KDM7A: variants seen among roughly 807,000 people sequenced by gnomAD.
KDM7A encodes lysine-specific demethylase 7A.
Under a neutral mutation model 114.8 loss-of-function variants are expected in KDM7A, and 28 were observed. The observed-to-expected ratio is 0.24, with a 90% confidence interval of 0.18 to 0.33. The LOEUF is 0.33. Among genes scored for constraint, KDM7A ranks in the 10% least tolerant of loss-of-function variants. KDM7A has a pLI of 1.00. For missense variants in KDM7A, 942 were observed against 1,142.5 expected (o/e 0.82, Z 2.53); for synonymous variants, 423 against 397.8 (o/e 1.06, Z -0.75).
rs1395478071 is a variant in KDM7A at position 140,176,835 on chromosome 7, G to A, written c.103C>T (p.Pro35Ser). The A allele has an allele frequency of 3.0e-6, 4 of 1,335,942 alleles. No individual in the cohort carries two copies. Among genetic ancestry groups the A allele is most frequent in the Non-Finnish European group, 3.9e-6 (4 of 1,023,204 alleles). 82.8% of individuals were successfully genotyped at this position (1,335,942 alleles called of 1,614,324 possible). ...APGRASAPPP[P>S]PPVYCVCRQP... ...CGGCACACACAGTACACGGGCGGGG[G>A]CGGCGGAGGCGCCGAGGCCCGGCCG... is the stretch of plus-strand genomic sequence containing the variant. The change falls in exon 1 of 20, where the codon CCC (proline) becomes TCC (serine). Residue 35 changes from proline to serine, a missense_variant. Physicochemically the swap from Pro to Ser is moderately conservative, Grantham distance 74. Coordinates refer to ENST00000397560, the MANE Select transcript of KDM7A (RefSeq NM_030647.2). This position sits in a 1 kb window ranked among gnomAD's most constrained non-coding sequence, Gnocchi z 4.4.
At position 140,088,690 on chromosome 7, in the gene KDM7A, C is replaced by T; in HGVS notation, c.*2404G>A. The stretch of plus-strand genomic sequence containing the variant: ...GATTCTATTCAAGTGGTTCTATTAC[C>T]TCGCTGAAAGTTTTCTAACTTAGCC... On this transcript the variant is annotated 3_prime_UTR_variant, in exon 20 of 20. Transcript: ENST00000397560. 2.6e-6 allele frequency: 1 copy of T among 391,730 alleles called. No individual in the cohort carries two copies. The allele number at this position is 391,730 out of a possible 1,614,324, so 24.3% of individuals were successfully genotyped here.
intron 1 of KDM7A, among the ~76,000 whole-genome samples, chr7:140,143,391 AATT>A (rs1794307190): frequency 6.6e-6 from 1 of 152,132 alleles, no homozygotes; most frequent in African/African-American, 2.4e-5. Flanking sequence ...GGTTCTAGAC[AATT>A]ATTACATGGG....
chr7:140,099,691 C>A (rs1195124730), intron 13 of KDM7A, among the ~76,000 whole-genome samples: 1 of 152,116 alleles, frequency 6.6e-6, no homozygotes, highest in Non-Finnish European at 1.5e-5. Flanking sequence ...CTACACATGT[C>A]CAAGAGTTAC....
Position 140,085,484 on chromosome 7 carries a change from C to T in KDM7A, c.*5610G>A, listed in dbSNP as rs796829897. 8 of 152,146 alleles carry T rather than the reference C, an allele frequency of 5.3e-5. No homozygotes were observed. The highest frequency in any genetic ancestry group is 1.7e-4 in the African/African-American group (7 of 41,488). 9.4% of individuals were successfully genotyped at this position (152,146 alleles called of 1,614,324 possible). The stretch of plus-strand genomic sequence containing the variant: ...TATTATATAATCTCTTAAAATGAAC[C>T]TTTTCACCCTCTTTCCACAGCATGA... On this transcript the variant is annotated 3_prime_UTR_variant, in exon 20 of 20. Coordinates refer to ENST00000397560, the MANE Select transcript of KDM7A (RefSeq NM_030647.2).
chr7:140,093,952 A>C, intron 18 of KDM7A, 104 bp downstream of exon 18: 1 of 763,010 alleles, frequency 1.3e-6, no homozygotes. Context: ...GGCTGCCTAG[A>C]TCTAGCAGTT....
At chr7:140,169,084 T>C (rs923413325) in intron 1 of KDM7A, among the ~76,000 whole-genome samples, 2 of 152,238 alleles carry the variant, frequency 1.3e-5, no homozygotes, top group Admixed American at 1.3e-4. Flanking sequence ...TACCAGACCT[T>C]GGTTTCTAAC....
chr7:140,122,138 T>G (rs1377462252), intron 7 of KDM7A, among the ~76,000 whole-genome samples: 13 of 152,206 alleles, frequency 8.5e-5, no homozygotes, highest in Non-Finnish European at 4.4e-5. Context: ...CCTACACCAG[T>G]GCTACTGATA....
intron 1 of KDM7A, 53 bp from the exon 2 acceptor site, chr7:140,139,243 T>G: frequency 8.2e-7 from 1 of 1,218,582 alleles, no homozygotes; most frequent in South Asian, 1.2e-5. Flanking sequence ...AATCTTCGCT[T>G]AACTATAATA....
chr7:140,097,925 A>G (rs568625910), intron 14 of KDM7A, among the ~76,000 whole-genome samples: 15 of 152,246 alleles, frequency 9.9e-5, no homozygotes, highest in Non-Finnish European at 1.3e-4. Context: ...ATTTCTTTCC[A>G]GAAGAAAAAT....
At position 140,097,032 on chromosome 7, in the gene KDM7A, T is replaced by G. The variant is rs751216587; in HGVS notation, c.2032A>C (p.Thr678Pro). Residue 678 changes from threonine (T) to proline (P), a missense_variant, in exon 16 of 20, where the codon ACT becomes CCT. Thr to Pro is a conservative substitution (Grantham distance 38, BLOSUM62 -1). Transcript: ENST00000397560. ...ECTALKSIFT[T>P]EESESSGDEK... is the part of the protein sequence containing the mutation. The stretch of plus-strand genomic sequence containing the variant: ...TCACCTGAACTTTCAGACTCTTCAG[T>G]GGTAAAGATACTTTTCTGAGATGAT... 1 of 1,611,206 alleles carries G rather than the reference T, an allele frequency of 6.2e-7. No homozygotes were observed. The highest frequency in any genetic ancestry group is 1.1e-5 in the South Asian group (1 of 90,870).
chr7:140,096,601 G>T lies in KDM7A; in HGVS notation c.2328C>A (p.Asn776Lys), dbSNP rs1338011477. The T allele has an allele frequency of 6.2e-7, 1 of 1,614,114 alleles. No homozygotes were observed. The highest frequency in any genetic ancestry group is 1.7e-5 in the Admixed American group (1 of 60,018). ...AGCGATACAACTGCCTAACCTCATG[G>T]TTACTGCCATGGCAGCTGCTGGGAT... ...LQDPSSCHGS[N>K]HEVRQLYRYD... Residue 776 changes from asparagine (N) to lysine (K), a missense_variant, in exon 17 of 20, where the codon AAC becomes AAA. Physicochemically the swap from Asn to Lys is moderately conservative, Grantham distance 94. Around this residue, in one of 4 missense-constraint regions of KDM7A, gnomAD observed 512 missense variants for 576.6 expected, o/e 0.89. Coordinates refer to ENST00000397560, the MANE Select transcript of KDM7A (RefSeq NM_030647.2).
At chr7:140,160,516 G>A (rs567240217) in intron 1 of KDM7A, among the ~76,000 whole-genome samples, 3 of 152,288 alleles carry the variant, frequency 2.0e-5, no homozygotes, top group East Asian at 3.9e-4. Context: ...GACAGTCTCC[G>A]ATTTACAATG....
chr7:140,154,499 T>TAAAAAAAAA (rs397974321), intron 1 of KDM7A, among the ~76,000 whole-genome samples: 3 of 74,298 alleles, frequency 4.0e-5, no homozygotes, highest in African/African-American at 1.5e-4. Context: ...CTCTTAAAAT[T>TAAAAAAAAA]AAAAAAAAAA....
intron 1 of KDM7A, among the ~76,000 whole-genome samples, chr7:140,143,742 AG>A (rs1202361975): frequency 8.5e-5 from 13 of 152,204 alleles, no homozygotes; most frequent in Non-Finnish European, 8.8e-5. Flanking sequence ...CAATCCCAAA[AG>A]GTCAAAACCA....
chr7:140,088,350 A>G lies in KDM7A; in HGVS notation c.*2744T>C. 1 of 393,808 alleles carries G rather than the reference A, an allele frequency of 2.5e-6. No individual in the cohort carries two copies. The highest frequency in any genetic ancestry group is 4.5e-6 in the Non-Finnish European group (1 of 223,226). 24.4% of individuals were successfully genotyped at this position (393,808 alleles called of 1,614,324 possible). A position where few individuals can be genotyped will look rare whatever the true frequency, so the allele number is the denominator to read the frequency against. On this transcript the variant is annotated 3_prime_UTR_variant, in exon 20 of 20. Transcript: ENST00000397560. ...CCAGCTGAACAGTCACTTATTTGAA[A>G]CAATACAGGAAAATTATCATCTATT...
chr7:140,168,150 T>C (rs947908267), intron 1 of KDM7A, among the ~76,000 whole-genome samples: 6 of 152,218 alleles, frequency 3.9e-5, no homozygotes, highest in Non-Finnish European at 7.3e-5. Context: ...TCTCACACTG[T>C]TGGTGGGAAT....
intron 1 of KDM7A, among the ~76,000 whole-genome samples, chr7:140,155,295 C>T (rs1035111925): frequency 1.8e-4 from 27 of 152,150 alleles, no homozygotes; most frequent in African/African-American, 6.3e-4. Context: ...TATCTCTAAG[C>T]CAGCCATATG....
chr7:140,126,325 A>G (rs1227830677), intron 6 of KDM7A, among the ~76,000 whole-genome samples: 2 of 152,132 alleles, frequency 1.3e-5, no homozygotes, highest in East Asian at 1.9e-4. Flanking sequence ...TATTTAATTC[A>G]GGGATTAAAG....
chr7:140,096,820 G>C, intron 16 of KDM7A, 57 bp from the exon 17 acceptor site: 1 of 1,592,074 alleles, frequency 6.3e-7, no homozygotes, highest in Non-Finnish European at 8.6e-7. Context: ...GACATTTTTG[G>C]TAAAATTTAA....
Sources: allele counts gnomAD v4.1 joint callset (sites outside exome capture counted in the v4.1 genomes callset), GRCh38; gene constraint gnomAD v4.1.1; regional missense constraint gnomAD v4.1.1; non-coding constraint Gnocchi (gnomAD v3.1); transcripts MANE v1.5; gene names NCBI Gene and HGNC (gene_info 2026-07-23, HGNC 2026-07-21).